TGFB2: variants seen among roughly 807,000 people sequenced by gnomAD.
TGFB2 encodes transforming growth factor beta-2 proprotein.
In TGFB2, 13 loss-of-function variants were observed where a neutral mutation model predicts 42.7. That is an observed-to-expected ratio of 0.30 (90% confidence interval 0.20 to 0.48). The LOEUF (loss-of-function observed/expected upper bound fraction) is 0.48, where lower values mean the gene tolerates loss of function less well. Ranked by LOEUF, TGFB2 falls within the 20% of genes least tolerant of loss-of-function variation. TGFB2 has a pLI of 0.99. For missense variants in TGFB2, 390 were observed against 517.5 expected, an observed-to-expected ratio of 0.75 and a Z score of 2.39; for synonymous variants, 193 against 193.6, an observed-to-expected ratio of 1.00 and a Z score of 0.03.
At chr1:218,435,637 T>C (rs1249060326) in intron 4 of TGFB2, among the ~76,000 whole-genome samples, 1 of 152,206 alleles carries the variant, frequency 6.6e-6, no homozygotes, top group East Asian at 1.9e-4. Flanking sequence ...GAACGCAGCC[T>C]AAACTGAGGA....
At chr1:218,367,114 A>T (rs1332343957) in intron 1 of TGFB2, among the ~76,000 whole-genome samples, 1 of 152,234 alleles carries the variant, frequency 6.6e-6, no homozygotes, top group Non-Finnish European at 1.5e-5. Context: ...CTGCACTCAG[A>T]TGCCTTCAAC....
At chr1:218,419,154 G>C (rs1659373776) in intron 2 of TGFB2, among the ~76,000 whole-genome samples, 1 of 152,154 alleles carries the variant, frequency 6.6e-6, no homozygotes, top group South Asian at 2.1e-4. Flanking sequence ...GCTCTGACCT[G>C]TTCCTTAGTC....
chr1:218,392,148 G>A (rs1268146251), intron 1 of TGFB2, among the ~76,000 whole-genome samples: 2 of 152,106 alleles, frequency 1.3e-5, no homozygotes, highest in Non-Finnish European at 2.9e-5. Context: ...TCAAGAGATC[G>A]AGACCATCCT....
At chr1:218,380,435 A>T (rs1657921391) in intron 1 of TGFB2, among the ~76,000 whole-genome samples, 1 of 152,124 alleles carries the variant, frequency 6.6e-6, no homozygotes, top group Non-Finnish European at 1.5e-5. Flanking sequence ...CAGCATGCAA[A>T]GTTCTCTTTA....
intron 1 of TGFB2, among the ~76,000 whole-genome samples, chr1:218,384,752 A>G (rs569036417): frequency 6.6e-6 from 1 of 152,344 alleles, no homozygotes; most frequent in African/African-American, 2.4e-5. Context: ...TCACACCCCT[A>G]GAGTCTCACC....
chr1:218,385,999 A>G (rs1035256754), intron 1 of TGFB2, among the ~76,000 whole-genome samples: 1 of 152,116 alleles, frequency 6.6e-6, no homozygotes, highest in African/African-American at 2.4e-5. Context: ...GAATCCTGTC[A>G]TAAGATCCTG....
intron 1 of TGFB2, among the ~76,000 whole-genome samples, chr1:218,398,436 A>G (rs554234640): frequency 1.3e-5 from 2 of 152,226 alleles, no homozygotes; most frequent in African/African-American, 2.4e-5. Flanking sequence ...CCTAGACATC[A>G]TTGGGGGACT....
intron 1 of TGFB2, among the ~76,000 whole-genome samples, chr1:218,401,773 C>T (rs962954885): frequency 6.6e-6 from 1 of 152,162 alleles, no homozygotes; most frequent in Non-Finnish European, 1.5e-5. Flanking sequence ...ATCAGAGCTG[C>T]ACAAGCCATT....
intron 1 of TGFB2, among the ~76,000 whole-genome samples, chr1:218,375,222 GT>G (rs940795344): frequency 9.9e-5 from 15 of 151,592 alleles, no homozygotes; most frequent in Non-Finnish European, 2.2e-4. Context: ...TCAACCTTTG[GT>G]TTTTTTTATC....
In TGFB2 at chr1:218,346,056, G is replaced by GCACACACACACACA. The variant is rs151329324; in HGVS notation, c.-634_-621dup. Among the ~76,000 whole-genome samples the GCACACACACACACA allele has an allele frequency of 7.8e-4, 113 of 145,678 alleles. 1 individual carries two copies. Among genetic ancestry groups the GCACACACACACACA allele is most frequent in the African/African-American group, 1.8e-3 (73 of 39,706 alleles). ...GGGCTCGCCCCCAGCGCGCGCACAC[G>GCACACACACACACA]CACACACACACACACACACACACAC... On this transcript the variant is annotated 5_prime_UTR_variant, in exon 1 of 7. Transcript: ENST00000366930. This position sits in a 1 kb window ranked among gnomAD's most constrained non-coding sequence, Gnocchi z 4.9.
intron 1 of TGFB2, among the ~76,000 whole-genome samples, chr1:218,383,574 G>A (rs1658033936): frequency 6.6e-6 from 1 of 152,160 alleles, no homozygotes; most frequent in Admixed American, 6.5e-5. Context: ...GGTGTTCATT[G>A]TCACACAGCC....
intron 2 of TGFB2, among the ~76,000 whole-genome samples, chr1:218,414,545 G>A (rs1466514983): frequency 6.6e-6 from 1 of 152,024 alleles, no homozygotes; most frequent in Non-Finnish European, 1.5e-5. Context: ...TTTGCACAAG[G>A]CTATTAATAT....
At chr1:218,368,636 G>T (rs544771513) in intron 1 of TGFB2, among the ~76,000 whole-genome samples, 1 of 152,212 alleles carries the variant, frequency 6.6e-6, no homozygotes, top group African/African-American at 2.4e-5. Context: ...CAGGGATGAG[G>T]ATGTGAGGTG....
At chr1:218,435,885 A>C in intron 4 of TGFB2, 85 bp from the exon 5 acceptor site, 1 of 1,376,246 alleles carries the variant, frequency 7.3e-7, no homozygotes, top group Non-Finnish European at 9.9e-7. Context: ...GCTATTTGTG[A>C]CAATATACAA....
intron 2 of TGFB2, among the ~76,000 whole-genome samples, chr1:218,410,050 C>G (rs961357489): frequency 1.2e-4 from 18 of 152,334 alleles, no homozygotes; most frequent in African/African-American, 4.3e-4. Flanking sequence ...CTGATTTTCC[C>G]TGGAAAGGAA....
At chr1:218,410,996 A>G (rs1415434138) in intron 2 of TGFB2, among the ~76,000 whole-genome samples, 7 of 152,174 alleles carry the variant, frequency 4.6e-5, no homozygotes, top group Admixed American at 4.6e-4. Context: ...ACTTAATGAC[A>G]TATCTAAGGG....
chr1:218,353,158 ATT>A (rs1184431769), intron 1 of TGFB2, among the ~76,000 whole-genome samples: 3 of 152,154 alleles, frequency 2.0e-5, no homozygotes, highest in African/African-American at 7.2e-5. Flanking sequence ...TGAAAATGTG[ATT>A]ATGAGCGATA....
In TGFB2 at chr1:218,357,632, A is replaced by T. The variant is rs1657081861; in HGVS notation, c.346+10585A>T. 4.6e-5 allele frequency among the ~76,000 whole-genome samples: 7 copies of T among 152,308 alleles called. 1 individual carries two copies. The South Asian group carries it at 1.5e-3, about 32-fold the overall frequency. On this transcript the variant is annotated intron_variant, in intron 1 of 6. Coordinates refer to ENST00000366930, the MANE Select transcript of TGFB2 (RefSeq NM_003238.6). ...CTTAGATGTTCCCTCAACCACAATG[A>T]CTTGAGGAACTTAAGGCAAATGGAA...
At chr1:218,358,365 G>A (rs1657104197) in intron 1 of TGFB2, among the ~76,000 whole-genome samples, 4 of 151,984 alleles carry the variant, frequency 2.6e-5, no homozygotes, top group Admixed American at 2.6e-4. Flanking sequence ...GTTTATCAGG[G>A]ATTTTTCTGT....
Sources: allele counts gnomAD v4.1 joint callset (sites outside exome capture counted in the v4.1 genomes callset), GRCh38; gene constraint gnomAD v4.1.1; non-coding constraint Gnocchi (gnomAD v3.1); transcripts MANE v1.5; gene names NCBI Gene and HGNC (gene_info 2026-07-23, HGNC 2026-07-21).